Variants in TMEM272 observed in about 807,000 individuals in gnomAD.
The protein encoded by TMEM272 is transmembrane protein 272.
A neutral mutation model predicts 3.7 loss-of-function variants in TMEM272; 8 were observed. That is an observed-to-expected ratio of 2.17 (90% CI 1.27 to 3.91). The LOEUF is 3.91. TMEM272 is among the 30% of genes most tolerant of loss of function. The pLI, the probability that TMEM272 is intolerant of heterozygous loss-of-function variation, is 0.00. For missense variants in TMEM272, 166 were observed against 91.5 expected, an observed-to-expected ratio of 1.81 and a Z score of -3.32; for synonymous variants, 63 against 39.8, an observed-to-expected ratio of 1.58 and a Z score of -2.20.
At chr13:51,907,116 G>T in the TMEM272 span, among the ~76,000 whole-genome samples, 5 of 152,210 alleles carry the variant, frequency 3.3e-5, no homozygotes, top group African/African-American at 1.2e-4. Context: ...GGATGCAGCA[G>T]AAGTGATGTT....
At chr13:51,822,235 T>C in intron 3 of TMEM272, 98 bp from the exon 4 acceptor site, 1 of 619,918 alleles carries the variant, frequency 1.6e-6, no homozygotes, top group Non-Finnish European at 2.9e-6. Context: ...GCCAAAATGT[T>C]AATCATGCAA....
intron 4 of TMEM272, among the ~76,000 whole-genome samples, chr13:51,818,565 A>G (rs1222613117): frequency 6.6e-6 from 1 of 152,220 alleles, no homozygotes; most frequent in Non-Finnish European, 1.5e-5. Flanking sequence ...AGCGCTTGAC[A>G]TACATTATCT....
At position 51,813,808 on chromosome 13, in the gene TMEM272, G is replaced by C. The variant is rs1013994945; in HGVS notation, c.*2943C>G. The C allele has an allele frequency of 1.3e-5, 2 of 152,402 alleles. No homozygotes were observed. Among genetic ancestry groups the C allele is most frequent in the African/African-American group, 4.8e-5 (2 of 41,460 alleles). 9.4% of individuals were successfully genotyped at this position (152,402 alleles called of 1,614,324 possible). On this transcript the variant is annotated 3_prime_UTR_variant, in exon 5 of 5. Coordinates refer to ENST00000629372, the MANE Select transcript of TMEM272 (RefSeq NM_001351003.2). ...GGTTTTTAGAATGATGCCCGATGTA[G>C]CAAATAAAATGATCTCAACATATAG...
chr13:51,888,021 A>T, the TMEM272 span, among the ~76,000 whole-genome samples: 1 of 150,808 alleles, frequency 6.6e-6, no homozygotes, highest in Non-Finnish European at 1.5e-5. Context: ...TGCATTATAC[A>T]TATTGTAATT....
chr13:51,852,542 T>A, the TMEM272 span, among the ~76,000 whole-genome samples: 5 of 152,216 alleles, frequency 3.3e-5, no homozygotes, highest in Non-Finnish European at 5.9e-5. Flanking sequence ...ATTGTCTTCA[T>A]CTTTGAGCAA....
the TMEM272 span, among the ~76,000 whole-genome samples, chr13:51,856,727 A>C: frequency 6.6e-6 from 1 of 152,378 alleles, no homozygotes; most frequent in East Asian, 1.9e-4. Context: ...GCTGCCAAAG[A>C]CCAAAGGCAA....
chr13:51,853,274 G>GT, the TMEM272 span, among the ~76,000 whole-genome samples: 1 of 152,134 alleles, frequency 6.6e-6, no homozygotes. Flanking sequence ...GCTGGGCTTC[G>GT]TGGCGCATGC....
At chr13:51,909,866 G>A in the TMEM272 span, 50 of 1,592,488 alleles carry the variant, frequency 3.1e-5, no homozygotes, top group African/African-American at 4.0e-5. Flanking sequence ...CTTGTTCTGC[G>A]TGTACTTTGG....
chr13:51,909,464 T>C, the TMEM272 span: 11 of 890,896 alleles, frequency 1.2e-5, no homozygotes, highest in Non-Finnish European at 1.1e-5. Context: ...TTTCTTGATA[T>C]AACTCAGTCA....
At chr13:51,873,401 T>C in the TMEM272 span, among the ~76,000 whole-genome samples, 2 of 152,356 alleles carry the variant, frequency 1.3e-5, no homozygotes, top group African/African-American at 2.4e-5. Context: ...AGAGAGGGGA[T>C]GGGAAATCTG....
the TMEM272 span, among the ~76,000 whole-genome samples, chr13:51,879,704 C>T: frequency 0.34 from 52,350 of 152,094 alleles, 9,133 homozygotes; most frequent in East Asian, 0.44. Flanking sequence ...AGATCACCTG[C>T]TTTGTGCCAG....
chr13:51,874,000 T>C, the TMEM272 span, among the ~76,000 whole-genome samples: 1 of 152,232 alleles, frequency 6.6e-6, no homozygotes, highest in Non-Finnish European at 1.5e-5. Context: ...AGACATGTGA[T>C]CCAGGCTCCA....
At chr13:51,879,257 C>A in the TMEM272 span, among the ~76,000 whole-genome samples, 1 of 152,206 alleles carries the variant, frequency 6.6e-6, no homozygotes, top group African/African-American at 2.4e-5. Flanking sequence ...CTCTTTACAG[C>A]ATGCCAGTTT....
rs1323916314 is a variant in TMEM272 at position 51,834,666 on chromosome 13, G to A, written c.58+3807C>T. On this transcript the variant is annotated intron_variant, in intron 2 of 4. Transcript: ENST00000629372. The stretch of plus-strand genomic sequence containing the variant: ...AGTCACGGTTCCTTCACCCAGGCCT[G>A]AGCAGAAGGTCTTTCTCCTGGTGTC... 2.6e-5 allele frequency among the ~76,000 whole-genome samples: 4 copies of A among 152,186 alleles called. No individual in the cohort carries two copies. In the East Asian group the frequency reaches 7.7e-4, roughly 29 times the overall value.
At chr13:51,840,610 C>T (rs1956254648) in intron 1 of TMEM272, among the ~76,000 whole-genome samples, 1 of 152,226 alleles carries the variant, frequency 6.6e-6, no homozygotes, top group Non-Finnish European at 1.5e-5. Context: ...CCAGGGGTCC[C>T]TCTGCTGTTT....
the TMEM272 span, among the ~76,000 whole-genome samples, chr13:51,884,752 C>G: frequency 1.3e-5 from 2 of 152,204 alleles, no homozygotes; most frequent in Non-Finnish European, 2.9e-5. Context: ...TCATCTATAA[C>G]AAGGAACTTA....
the TMEM272 span, chr13:51,921,676 C>T: frequency 6.6e-6 from 1 of 152,402 alleles, no homozygotes; most frequent in Non-Finnish European, 1.5e-5. Context: ...AAGCTCTGGG[C>T]AACTCCTCTT....
the TMEM272 span, chr13:51,866,152 G>A: frequency 1.6e-6 from 2 of 1,257,492 alleles, no homozygotes; most frequent in Non-Finnish European, 2.2e-6. Flanking sequence ...GTGAGCCCAT[G>A]TGCTGGAGAA....
chr13:51,851,391 G>C, the TMEM272 span, among the ~76,000 whole-genome samples: 3 of 150,170 alleles, frequency 2.0e-5, no homozygotes, highest in Non-Finnish European at 4.4e-5. Context: ...AGGAGGAGGA[G>C]GAGGAGGAAG....
Sources: allele counts gnomAD v4.1 joint callset (sites outside exome capture counted in the v4.1 genomes callset), GRCh38; gene constraint gnomAD v4.1.1; transcripts MANE v1.5; gene names NCBI Gene and HGNC (gene_info 2026-07-23, HGNC 2026-07-21).